Variants in LRPPRC observed in about 807,000 individuals in gnomAD.
LRPPRC encodes leucine rich pentatricopeptide repeat containing, also known as leucine-rich PPR motif-containing protein, mitochondrial.
Under a neutral mutation model 180.3 loss-of-function variants are expected in LRPPRC, and 120 were observed. The ratio of observed to expected loss-of-function variants is 0.67; its 90% confidence interval spans 0.57 to 0.77. The LOEUF (loss-of-function observed/expected upper bound fraction) is 0.77. LRPPRC is among the 30% of genes least tolerant of loss of function. The pLI, the probability that LRPPRC is intolerant of heterozygous loss-of-function variation, is 0.00. For missense variants in LRPPRC, 2,012 were observed against 1,657.2 expected (o/e 1.21, Z -3.72); for synonymous variants, 723 against 600.0 (o/e 1.21, Z -3.00).
intron 23 of LRPPRC, among the ~76,000 whole-genome samples, chr2:43,937,233 GA>G (rs199550500): frequency 0.014 from 2,067 of 152,180 alleles, 45 homozygotes; most frequent in African/African-American, 0.047. Flanking sequence ...TGGCAAAATG[GA>G]AATAATTCAT....
Position 43,887,767 on chromosome 2 carries a change from T to TCAAA in LRPPRC, c.*829_*832dup, listed in dbSNP as rs1418576841. 4 of 152,302 alleles carry TCAAA rather than the reference T, an allele frequency of 2.6e-5. No homozygotes were observed. The East Asian group carries it at 5.8e-4, about 22-fold the overall frequency. 9.4% of individuals were successfully genotyped at this position (152,302 alleles called of 1,614,324 possible). A position where few individuals can be genotyped will look rare whatever the true frequency, so the allele number is the denominator to read the frequency against. On this transcript the variant is annotated 3_prime_UTR_variant, in exon 38 of 38. Transcript: ENST00000260665. ...ATTCAATATAGGGATCACTTTTATT[T>TCAAA]CAAACAATTAAATACAAACCAATAT...
chr2:43,932,123 CAAAAAAAAAAAA>C (rs746600862), intron 25 of LRPPRC, among the ~76,000 whole-genome samples: 26 of 20,858 alleles, frequency 1.2e-3, no homozygotes, highest in Admixed American at 7.6e-3. Flanking sequence ...GACCCTGTCT[CAAAAAAAAAAAA>C]AAAAAAAAAA....
At chr2:43,951,891 T>C (rs993247939) in intron 14 of LRPPRC, among the ~76,000 whole-genome samples, 8 of 152,174 alleles carry the variant, frequency 5.3e-5, no homozygotes, top group African/African-American at 1.9e-4. Context: ...ATCAACTTAC[T>C]GTCAAATAAA....
chr2:43,917,151 C>T (rs1353693474), intron 29 of LRPPRC, among the ~76,000 whole-genome samples: 2 of 150,812 alleles, frequency 1.3e-5, no homozygotes, highest in Non-Finnish European at 3.0e-5. Context: ...GGTGATTCTC[C>T]GGCCTCATCC....
chr2:43,946,066 A>C (rs1035524744), intron 21 of LRPPRC, 47 bp downstream of exon 21: 2 of 1,585,992 alleles, frequency 1.3e-6, no homozygotes, highest in Non-Finnish European at 1.7e-6. Context: ...CAAGGTCTGT[A>C]GAGCAGAATA....
Position 43,946,207 on chromosome 2 carries a change from C to T in LRPPRC, c.2116G>A (p.Glu706Lys), listed in dbSNP as rs1390289693. Residue 706 changes from glutamate to lysine, a missense_variant, in exon 21 of 38, where the codon GAA becomes AAA. Glu to Lys is a moderately conservative substitution (Grantham distance 56). Transcript: ENST00000260665. ...QKALELKAKYESDMVTGGYAA... is the reference protein window; with the variant it reads ...QKALELKAKYKSDMVTGGYAA... The stretch of plus-strand genomic sequence containing the variant: ...TAGCCACCAGTAACCATGTCGGATT[C>T]ATATTTTGCTTTCAATTCAAGGGCT... The T allele has an allele frequency of 6.2e-7, 1 of 1,611,622 alleles. No homozygotes were observed. The highest frequency in any genetic ancestry group is 1.7e-5 in the Admixed American group (1 of 59,958).
intron 30 of LRPPRC, among the ~76,000 whole-genome samples, chr2:43,908,778 C>A (rs1366168358): frequency 6.6e-6 from 1 of 152,202 alleles, no homozygotes; most frequent in Non-Finnish European, 1.5e-5. Context: ...CCACCTGCCT[C>A]TGTCTCCCAA....
At position 43,945,184 on chromosome 2, in the gene LRPPRC, C is replaced by A. The variant is rs1672632937; in HGVS notation, c.2296+148G>T. 6.2e-6 allele frequency: 4 copies of A among 648,530 alleles called. No individual in the cohort carries two copies. The East Asian group carries it at 1.1e-4, about 18-fold the overall frequency. 40.2% of individuals were successfully genotyped at this position (648,530 alleles called of 1,614,324 possible). A position where few individuals can be genotyped will look rare whatever the true frequency, so the allele number is the denominator to read the frequency against. Reference sequence around the variant, plus strand: ...ATTAAAACTAATGGCCTACACTGTCCATGTAGCTCTGGTTGGATTCACATG... The same window carrying A: ...ATTAAAACTAATGGCCTACACTGTCAATGTAGCTCTGGTTGGATTCACATG... On this transcript the variant is annotated intron_variant, in intron 22 of 37. Coordinates refer to ENST00000260665, the MANE Select transcript of LRPPRC (RefSeq NM_133259.4).
chr2:43,894,664 C>A, intron 35 of LRPPRC, 35 bp from the exon 36 acceptor site: 1 of 1,014,622 alleles, frequency 9.9e-7, no homozygotes, highest in Non-Finnish European at 1.6e-6. Context: ...TTATGAAAAC[C>A]GCAAATTAAC....
chr2:43,941,300 T>C (rs1672472175), intron 23 of LRPPRC, among the ~76,000 whole-genome samples: 1 of 152,214 alleles, frequency 6.6e-6, no homozygotes, highest in Admixed American at 6.5e-5. Context: ...CTCATGGAAC[T>C]GCTTCAGAAT....
chr2:43,971,850 A>G (rs1465942202), intron 11 of LRPPRC, among the ~76,000 whole-genome samples: 2 of 152,216 alleles, frequency 1.3e-5, no homozygotes, highest in African/African-American at 4.8e-5. Context: ...ACTATCTTTC[A>G]GGACCTACTG....
chr2:43,917,987 A>G, intron 29 of LRPPRC, 38 bp downstream of exon 29: 1 of 950,932 alleles, frequency 1.1e-6, no homozygotes, highest in Non-Finnish European at 1.7e-6. Flanking sequence ...AAAGAAGACC[A>G]CCCCCCCACA....
rs1674279073 is a variant in LRPPRC, at chr2:43,980,931, G to A, written c.347-983C>T. Among the ~76,000 whole-genome samples the A allele has an allele frequency of 2.0e-5, 3 of 152,174 alleles. 1 individual carries two copies. In the South Asian group the frequency reaches 6.2e-4, roughly 32 times the overall value. On this transcript the variant is annotated intron_variant, in intron 2 of 37. Coordinates refer to ENST00000260665, the MANE Select transcript of LRPPRC (RefSeq NM_133259.4). ...GATGGTTGAATAAATAAGTCAGAGA[G>A]AGAATGTGACACAGGTCTTTAAATG...
intron 1 of LRPPRC, among the ~76,000 whole-genome samples, chr2:43,982,947 G>T (rs1322669976): frequency 6.6e-6 from 1 of 151,282 alleles, no homozygotes; most frequent in Non-Finnish European, 1.5e-5. Context: ...TTTTTTTAAG[G>T]ATCATTTAGG....
rs1178818347 is a variant in LRPPRC at position 43,963,852 on chromosome 2, CTG to C, written c.1370-148_1370-147del. 30 of 689,288 alleles carry C rather than the reference CTG, an allele frequency of 4.4e-5. No homozygotes were observed. In the East Asian group the frequency reaches 7.5e-4, roughly 17 times the overall value. 42.7% of individuals were successfully genotyped at this position (689,288 alleles called of 1,614,324 possible). ...TTGTCTAAAAGGCAGAAAAGAAACA[CTG>C]TGAGATACAATGATAAAAAAATTAA... is the stretch of plus-strand genomic sequence containing the variant. On this transcript the variant is annotated intron_variant, in intron 11 of 37. Coordinates refer to ENST00000260665, the MANE Select transcript of LRPPRC (RefSeq NM_133259.4).
chr2:43,985,112 G>A (rs1168929790), intron 1 of LRPPRC, among the ~76,000 whole-genome samples: 2 of 149,292 alleles, frequency 1.3e-5, no homozygotes, highest in African/African-American at 4.9e-5. Context: ...GGCTTCCATG[G>A]GACCCTCCCC....
chr2:43,899,367 T>C, intron 33 of LRPPRC, 33 bp from the exon 34 acceptor site: 1 of 1,605,714 alleles, frequency 6.2e-7, no homozygotes, highest in Non-Finnish European at 8.5e-7. Flanking sequence ...AAATCTTTCA[T>C]TAGAACAGTG....
In LRPPRC at chr2:43,899,233, T is replaced by C. The variant is rs780007933; in HGVS notation, c.3811A>G (p.Arg1271Gly). The change falls in exon 34 of 38, where the codon AGA becomes GGA. Residue 1271 changes from arginine to glycine, a missense_variant. Transcript: ENST00000260665. Reference sequence around the variant, plus strand: ...AGGGTCATTACCTGTAGGAGAGCTCTGGCATCATCCACCTTGCCTGCATCC... The same window carrying C: ...AGGGTCATTACCTGTAGGAGAGCTCCGGCATCATCCACCTTGCCTGCATCC... ...LVDAGKVDDA[R>G]ALLQRCGAIA... 1.2e-6 allele frequency: 2 copies of C among 1,613,578 alleles called. No individual in the cohort carries two copies. Among genetic ancestry groups the C allele is most frequent in the African/African-American group, 2.7e-5 (2 of 74,926 alleles).
chr2:43,994,476 C>G (rs537242346), intron 1 of LRPPRC, among the ~76,000 whole-genome samples: 3 of 152,282 alleles, frequency 2.0e-5, no homozygotes, highest in Admixed American at 1.3e-4. Context: ...TGCAATATTC[C>G]TAACACTACT....
Sources: allele counts gnomAD v4.1 joint callset (sites outside exome capture counted in the v4.1 genomes callset), GRCh38; gene constraint gnomAD v4.1.1; transcripts MANE v1.5; gene names NCBI Gene and HGNC (gene_info 2026-07-23, HGNC 2026-07-21).